Variants in TMEM177 observed in about 807,000 individuals in gnomAD.
TMEM177 encodes the protein transmembrane protein 177.
TMEM177 carries 4 observed loss-of-function variants against 14.2 expected under a neutral mutation model. The ratio of observed to expected loss-of-function variants is 0.28; its 90% CI spans 0.14 to 0.64. The LOEUF (loss-of-function observed/expected upper bound fraction) is 0.64. TMEM177 is among the 30% of genes least tolerant of loss of function. TMEM177 has a pLI of 0.82. For missense variants in TMEM177, 344 were observed against 405.2 expected, an observed-to-expected ratio of 0.85 and a Z score of 1.30; for synonymous variants, 179 against 174.5, an observed-to-expected ratio of 1.03 and a Z score of -0.20.
rs760723850 is a variant in TMEM177, at chr2:119,681,360, C to G, written c.507C>G (p.His169Gln). ...VYLESSTTAV[H>Q]ALLAPACLAG... Reference sequence around the variant, plus strand: ...TGGAAAGCAGTACCACTGCCGTGCACGCCCTGCTGGCCCCAGCTTGCCTGG... The same window carrying G: ...TGGAAAGCAGTACCACTGCCGTGCAGGCCCTGCTGGCCCCAGCTTGCCTGG... The change falls in exon 2 of 2, where the codon CAC becomes CAG. Residue 169 changes from histidine to glutamine, a missense_variant. His to Gln is a conservative substitution (Grantham distance 24). Transcript: ENST00000272521. 2 of 1,614,042 alleles carry G rather than the reference C, an allele frequency of 1.2e-6. No homozygotes were observed. The highest frequency in any genetic ancestry group is 1.1e-5 in the South Asian group (1 of 91,068).
At chr2:119,720,724 C>T in the TMEM177 span, among the ~76,000 whole-genome samples, 5 of 152,312 alleles carry the variant, frequency 3.3e-5, no homozygotes, top group African/African-American at 9.6e-5. Context: ...AACTATTTTA[C>T]CTCCAGATTT....
At chr2:119,701,178 G>C in the TMEM177 span, among the ~76,000 whole-genome samples, 2 of 152,206 alleles carry the variant, frequency 1.3e-5, no homozygotes, top group African/African-American at 4.8e-5. Flanking sequence ...CTTTGCCCCA[G>C]GGAAGAGGTA....
At chr2:119,706,900 A>ATTTAT in the TMEM177 span, among the ~76,000 whole-genome samples, 264 of 150,970 alleles carry the variant, frequency 1.7e-3, no homozygotes, top group Admixed American at 4.5e-3. Flanking sequence ...TATTTTATTT[A>ATTTAT]TTTATTTTAT....
chr2:119,722,127 T>A, the TMEM177 span, among the ~76,000 whole-genome samples: 2 of 152,132 alleles, frequency 1.3e-5, no homozygotes, highest in Admixed American at 6.5e-5. Flanking sequence ...AAGCCTGTAA[T>A]CCCAACACTT....
chr2:119,698,170 T>C, the TMEM177 span, among the ~76,000 whole-genome samples: 1 of 152,186 alleles, frequency 6.6e-6, no homozygotes, highest in African/African-American at 2.4e-5. Context: ...GAAGAACAGA[T>C]GAAAAGTCTG....
chr2:119,719,097 A>G, the TMEM177 span, among the ~76,000 whole-genome samples: 1 of 152,156 alleles, frequency 6.6e-6, no homozygotes, highest in East Asian at 1.9e-4. Flanking sequence ...TTCACGAATC[A>G]TGCCCACAGC....
chr2:119,691,920 G>A, the TMEM177 span, among the ~76,000 whole-genome samples: 5 of 152,312 alleles, frequency 3.3e-5, no homozygotes, highest in Admixed American at 1.3e-4. Context: ...ACGTGCCCAC[G>A]TCCTGACACC....
the TMEM177 span, among the ~76,000 whole-genome samples, chr2:119,708,670 C>T: frequency 1.3e-5 from 2 of 149,994 alleles, no homozygotes; most frequent in Non-Finnish European, 3.0e-5. Context: ...CACACACACA[C>T]ACACATACAC....
downstream of TMEM177, among the ~76,000 whole-genome samples, chr2:119,682,914 A>T (rs1574269461): frequency 6.6e-6 from 1 of 152,244 alleles, no homozygotes; most frequent in South Asian, 2.1e-4. Context: ...TGCCCTGCTT[A>T]TTTCCCTTGA....
At position 119,681,694 on chromosome 2, in the gene TMEM177, A is replaced by G. The variant is rs1382300360; in HGVS notation, c.841A>G (p.Arg281Gly). Residue 281 changes from arginine (R) to glycine (G), a missense_variant, in exon 2 of 2, where the codon AGA (arginine) becomes GGA (glycine). Arg to Gly is a moderately radical substitution (Grantham distance 125). Coordinates refer to ENST00000272521, the MANE Select transcript of TMEM177 (RefSeq NM_030577.3). ...LYTPSGNIVP[R>G]HLFRIKHLPY... ...TACACCCAGCGGGAACATCGTCCCC[A>G]GACACTTGTTCCGAATCAAACATTT... 6.2e-7 allele frequency: 1 copy of G among 1,614,100 alleles called. No individual in the cohort carries two copies. Among genetic ancestry groups the G allele is most frequent in the East Asian group, 2.2e-5 (1 of 44,882 alleles).
the TMEM177 span, among the ~76,000 whole-genome samples, chr2:119,694,460 A>T: frequency 1.3e-5 from 2 of 152,176 alleles, no homozygotes; most frequent in Non-Finnish European, 2.9e-5. Flanking sequence ...GTGTGGGGAG[A>T]GTGGGTCAGC....
chr2:119,703,300 G>A, the TMEM177 span, among the ~76,000 whole-genome samples: 4 of 152,328 alleles, frequency 2.6e-5, no homozygotes, highest in Admixed American at 2.6e-4. Context: ...GGGACCTCTT[G>A]GGACAGCTGG....
chr2:119,714,870 C>T, the TMEM177 span, among the ~76,000 whole-genome samples: 1 of 152,244 alleles, frequency 6.6e-6, no homozygotes, highest in Non-Finnish European at 1.5e-5. Flanking sequence ...GTACAGGCAA[C>T]AGCTGCAATG....
the TMEM177 span, among the ~76,000 whole-genome samples, chr2:119,723,528 C>T: frequency 6.6e-6 from 1 of 152,204 alleles, no homozygotes; most frequent in Non-Finnish European, 1.5e-5. Flanking sequence ...CCAGGATCTG[C>T]TGATCAATTA....
the TMEM177 span, among the ~76,000 whole-genome samples, chr2:119,700,463 C>A: frequency 6.6e-6 from 1 of 152,174 alleles, no homozygotes; most frequent in Non-Finnish European, 1.5e-5. Flanking sequence ...TCTCCATACG[C>A]CAAACAGGTA....
the TMEM177 span, among the ~76,000 whole-genome samples, chr2:119,694,707 G>A: frequency 9.2e-5 from 14 of 152,344 alleles, no homozygotes; most frequent in South Asian, 2.1e-3. Context: ...CTTCTCTGTC[G>A]TACACGCCCC....
chr2:119,702,248 C>T, the TMEM177 span, among the ~76,000 whole-genome samples: 2 of 152,190 alleles, frequency 1.3e-5, no homozygotes, highest in Non-Finnish European at 2.9e-5. Context: ...AAGATGGAGT[C>T]GGTTAGGTCT....
At chr2:119,680,384 A>G (rs544427474) in intron 1 of TMEM177, among the ~76,000 whole-genome samples, 52 of 152,344 alleles carry the variant, frequency 3.4e-4, no homozygotes, top group African/African-American at 1.2e-3. Context: ...AAGAGTGCTC[A>G]GAACTGAGTC....
chr2:119,709,427 A>T, the TMEM177 span, among the ~76,000 whole-genome samples: 7,745 of 152,250 alleles, frequency 0.051, 667 homozygotes, highest in African/African-American at 0.17. Context: ...TGTAATCCCA[A>T]CACTTTGGGA....
Sources: gnomAD v4.1 joint callset for allele counts (sites outside exome capture counted in the v4.1 genomes callset) on GRCh38, gnomAD v4.1.1 for gene constraint, MANE v1.5 for transcripts, NCBI Gene and HGNC (gene_info 2026-07-23, HGNC 2026-07-21) for gene names.